BTBD9: variants seen among roughly 807,000 people sequenced by gnomAD.
BTBD9 encodes BTB domain containing 9.
A neutral mutation model predicts 64.3 loss-of-function variants in BTBD9; 49 were observed. That is an observed-to-expected ratio of 0.76 (90% CI 0.61 to 0.97). The LOEUF (loss-of-function observed/expected upper bound fraction) is 0.97, where lower values mean the gene tolerates loss of function less well. Ranked by LOEUF, BTBD9 falls within the 50% of genes least tolerant of loss-of-function variation. The pLI is 0.00. For missense variants in BTBD9, 598 were observed against 762.1 expected (o/e 0.78, Z 2.53); for synonymous variants, 260 against 274.7 (o/e 0.95, Z 0.53).
intron 6 of BTBD9, among the ~76,000 whole-genome samples, chr6:38,503,641 C>T (rs1014343394): frequency 4.6e-5 from 7 of 152,154 alleles, no homozygotes; most frequent in African/African-American, 7.2e-5. Flanking sequence ...CCACCCACAC[C>T]AGTCACCATT....
At chr6:38,259,433 C>G (rs556605505) in intron 8 of BTBD9, among the ~76,000 whole-genome samples, 2 of 152,262 alleles carry the variant, frequency 1.3e-5, no homozygotes, top group African/African-American at 4.8e-5. Flanking sequence ...GACAGCTTCT[C>G]TCTCTGTTGC....
intron 1 of BTBD9, among the ~76,000 whole-genome samples, chr6:38,620,938 AG>A (rs748774899): frequency 6.6e-6 from 1 of 152,176 alleles, no homozygotes; most frequent in African/African-American, 2.4e-5. Context: ...CCCTAGTACA[AG>A]CTCTAGCCTT....
chr6:38,483,885 C>T (rs1383353988), intron 6 of BTBD9, among the ~76,000 whole-genome samples: 1 of 152,194 alleles, frequency 6.6e-6, no homozygotes, highest in African/African-American at 2.4e-5. Context: ...CCAAACTCAA[C>T]CACTGGCTAG....
At chr6:38,385,279 C>G (rs1359771399) in intron 6 of BTBD9, among the ~76,000 whole-genome samples, 1 of 151,112 alleles carries the variant, frequency 6.6e-6, no homozygotes, top group Non-Finnish European at 1.5e-5. Context: ...GCAACCTCCG[C>G]CTCTGGCTCA....
At chr6:38,305,578 T>C (rs967528269) in intron 7 of BTBD9, among the ~76,000 whole-genome samples, 1 of 152,072 alleles carries the variant, frequency 6.6e-6, no homozygotes, top group African/African-American at 2.4e-5. Flanking sequence ...CAACTCTCAG[T>C]TTCAAGCAAT....
chr6:38,496,788 A>T (rs1186041488), intron 6 of BTBD9, among the ~76,000 whole-genome samples: 1 of 152,210 alleles, frequency 6.6e-6, no homozygotes, highest in Non-Finnish European at 1.5e-5. Context: ...ATTAAAATGC[A>T]AATGAATGAG....
intron 6 of BTBD9, among the ~76,000 whole-genome samples, chr6:38,378,806 G>A (rs545878791): frequency 5.3e-5 from 8 of 150,868 alleles, no homozygotes; most frequent in East Asian, 4.0e-4. Context: ...CCCAGGAGGC[G>A]GAGGTTGCAG....
chr6:38,305,981 C>T (rs1421507208), intron 7 of BTBD9, among the ~76,000 whole-genome samples: 2 of 152,144 alleles, frequency 1.3e-5, no homozygotes, highest in African/African-American at 4.8e-5. Context: ...CCTCAGCCTA[C>T]CTAGTTGGAC....
intron 6 of BTBD9, among the ~76,000 whole-genome samples, chr6:38,455,509 T>C (rs1192993728): frequency 2.0e-5 from 3 of 152,232 alleles, no homozygotes; most frequent in Non-Finnish European, 4.4e-5. Context: ...AATGGAATCA[T>C]ACAGTATGTA....
chr6:38,388,209 C>T (rs1766262202), intron 6 of BTBD9, among the ~76,000 whole-genome samples: 1 of 142,784 alleles, frequency 7.0e-6, no homozygotes, highest in South Asian at 2.3e-4. Context: ...TCTGGTGTAA[C>T]TGCCCCTGAC....
intron 6 of BTBD9, chr6:38,565,998 G>C (rs932125707): frequency 3.9e-5 from 6 of 152,126 alleles, no homozygotes; most frequent in African/African-American, 1.2e-4. Flanking sequence ...GTCAGTTACA[G>C]ATCGAAATCC....
In BTBD9 at chr6:38,597,984, G is replaced by A. The variant is rs958047895; in HGVS notation, c.111C>T (p.Asp37=). ...GALLIGEEYG[D]VTFVVEKKRF... ...GTTTCTTTTCCACCACGAATGTGAC[G>A]TCGCCATATTCTTCCCCAATCAACA... The change falls in exon 2 of 11, where the codon GAC becomes GAT. Residue 37 remains aspartate, a synonymous_variant. Transcript: ENST00000481247. 16 of 1,613,838 alleles carry A rather than the reference G, an allele frequency of 9.9e-6. No individual in the cohort carries two copies. Among genetic ancestry groups the A allele is most frequent in the Middle Eastern group, 1.6e-4 (1 of 6,084 alleles).
chr6:38,402,586 A>C (rs1766979949), intron 6 of BTBD9, among the ~76,000 whole-genome samples: 1 of 152,230 alleles, frequency 6.6e-6, no homozygotes, highest in South Asian at 2.1e-4. Context: ...AAAGGGGAAA[A>C]TGTGCCTGGG....
chr6:38,217,074 C>T (rs1038086563), intron 9 of BTBD9, among the ~76,000 whole-genome samples: 4 of 150,330 alleles, frequency 2.7e-5, no homozygotes, highest in African/African-American at 9.8e-5. Context: ...TTTGGGAGGC[C>T]GAGGTGGGTG....
At chr6:38,210,622 G>A (rs964367481) in intron 9 of BTBD9, among the ~76,000 whole-genome samples, 1 of 151,538 alleles carries the variant, frequency 6.6e-6, no homozygotes, top group Non-Finnish European at 1.5e-5. Flanking sequence ...AAGAGGAGAC[G>A]CCTAGTCAAT....
chr6:38,532,010 G>A (rs1005223037), intron 6 of BTBD9, among the ~76,000 whole-genome samples: 2 of 152,174 alleles, frequency 1.3e-5, no homozygotes, highest in Non-Finnish European at 2.9e-5. Context: ...CAGTACCCGG[G>A]TTTAACTTCA....
chr6:38,556,530 TGTGTGTGTGTGTGTGTGTGTGAGA>T (rs781723461), intron 6 of BTBD9, among the ~76,000 whole-genome samples: 2 of 57,576 alleles, frequency 3.5e-5, no homozygotes, highest in Non-Finnish European at 6.2e-5. Flanking sequence ...TGTGTGTGTG[TGTGTGTGTGTGTGTGTGTGTGAGA>T]GAGAGAGAGA....
intron 6 of BTBD9, among the ~76,000 whole-genome samples, chr6:38,451,757 G>A (rs542642204): frequency 4.6e-4 from 70 of 152,168 alleles, no homozygotes; most frequent in Non-Finnish European, 8.4e-4. Flanking sequence ...ATCTGACACT[G>A]ACTGTTCTAT....
At chr6:38,511,759 A>G (rs1227370181) in intron 6 of BTBD9, among the ~76,000 whole-genome samples, 1 of 152,168 alleles carries the variant, frequency 6.6e-6, no homozygotes, top group Admixed American at 6.5e-5. Flanking sequence ...TTTCTCACAG[A>G]TATGGAAAAG....
Sources: gnomAD v4.1 joint callset for allele counts (sites outside exome capture counted in the v4.1 genomes callset) on GRCh38, gnomAD v4.1.1 for gene constraint, MANE v1.5 for transcripts, NCBI Gene and HGNC (gene_info 2026-07-23, HGNC 2026-07-21) for gene names.